Variants in UNC13C observed in about 807,000 individuals in gnomAD.
UNC13C encodes the protein protein unc-13 homolog C.
A neutral mutation model predicts 245.4 loss-of-function variants in UNC13C; 174 were observed. The observed-to-expected ratio is 0.71, with a 90% CI of 0.63 to 0.80. The LOEUF is 0.80. Ranked by LOEUF, UNC13C falls within the 30% of genes least tolerant of loss-of-function variation. The pLI, the probability that UNC13C is intolerant of heterozygous loss-of-function variation, is 0.00. For missense variants in UNC13C, 2,829 were observed against 2,602.9 expected (o/e 1.09, Z -1.89); for synonymous variants, 992 against 895.1 (o/e 1.11, Z -1.93).
chr15:53,887,173 G>T, the UNC13C span, among the ~76,000 whole-genome samples: 1 of 152,096 alleles, frequency 6.6e-6, no homozygotes, highest in Non-Finnish European at 1.5e-5. Flanking sequence ...AATAATGTTT[G>T]TGTGTGGAAG....
intron 2 of UNC13C, among the ~76,000 whole-genome samples, chr15:54,080,728 A>T (rs1898895934): frequency 6.6e-6 from 1 of 151,826 alleles, no homozygotes; most frequent in Non-Finnish European, 1.5e-5. Flanking sequence ...GTTAATCTAG[A>T]TATTGATATG....
At position 54,017,222 on chromosome 15, in the gene UNC13C, G is replaced by GT. The variant is rs200041758; in HGVS notation, c.2983+1344dup. Among the ~76,000 whole-genome samples, 626 of 143,900 alleles carry GT rather than the reference G, an allele frequency of 4.4e-3. 5 individuals carry two copies. The highest frequency in any genetic ancestry group is 0.018 in the African/African-American group (607 of 33,902). 94.4% of individuals were successfully genotyped at this position (143,900 alleles called of 152,430 possible). On this transcript the variant is annotated intron_variant, in intron 2 of 32. Coordinates refer to ENST00000260323, the MANE Select transcript of UNC13C (RefSeq NM_001080534.3). ...GGCTGTTGCAACATTTTGTGTTTTT[G>GT]TTTTTTTTGCAGGGATGGGTAGTTC...
chr15:54,331,483 C>G (rs892210494), intron 14 of UNC13C, among the ~76,000 whole-genome samples: 4 of 152,068 alleles, frequency 2.6e-5, no homozygotes, highest in Non-Finnish European at 5.9e-5. Context: ...CTAAATCATA[C>G]ACAGCCTTTA....
chr15:54,454,570 G>GGA lies in UNC13C; in HGVS notation c.4933+39503_4933+39504insGA, dbSNP rs1555467159. Reference sequence around the variant, plus strand: ...TCCAGCCCAGGCAACAATAGTGGGGGAAAAAAAAAAAACAACAATAACTCC... The same window carrying GGA: ...TCCAGCCCAGGCAACAATAGTGGGGGGAAAAAAAAAAAAACAACAATAACTCC... On this transcript the variant is annotated intron_variant, in intron 19 of 32. Coordinates refer to ENST00000260323, the MANE Select transcript of UNC13C (RefSeq NM_001080534.3). Among the ~76,000 whole-genome samples, 14 of 119,158 alleles carry GGA rather than the reference G, an allele frequency of 1.2e-4. No homozygotes were observed. In the South Asian group the frequency reaches 2.5e-3, roughly 21 times the overall value. The allele number at this position is 119,158 out of a possible 152,430, so 78.2% of individuals were successfully genotyped here.
At chr15:53,932,634 A>G in the UNC13C span, among the ~76,000 whole-genome samples, 1 of 151,970 alleles carries the variant, frequency 6.6e-6, no homozygotes, top group Non-Finnish European at 1.5e-5. Context: ...TACCACTCTA[A>G]CCCTTTCTTC....
chr15:54,343,594 C>G (rs1403081893), intron 17 of UNC13C, among the ~76,000 whole-genome samples: 1 of 152,152 alleles, frequency 6.6e-6, no homozygotes, highest in Non-Finnish European at 1.5e-5. Context: ...GCATCCTGTT[C>G]TATATGCCTG....
intron 8 of UNC13C, among the ~76,000 whole-genome samples, chr15:54,261,522 G>GTTTGTTTTGTTTTGTTTTGT (rs10582681): frequency 1.3e-5 from 2 of 150,566 alleles, no homozygotes; most frequent in Admixed American, 6.6e-5. Flanking sequence ...ATTTTTGTTT[G>GTTTGTTTTGTTTTGTTTTGT]TTTGTTTTGT....
At chr15:54,366,278 C>T (rs746307702) in intron 17 of UNC13C, among the ~76,000 whole-genome samples, 11 of 152,122 alleles carry the variant, frequency 7.2e-5, no homozygotes, top group Non-Finnish European at 1.5e-4. Flanking sequence ...CATAACGTGG[C>T]AAAATGTAAA....
At chr15:54,275,556 A>C (rs1316069849) in intron 10 of UNC13C, among the ~76,000 whole-genome samples, 2 of 152,070 alleles carry the variant, frequency 1.3e-5, no homozygotes, top group African/African-American at 4.8e-5. Flanking sequence ...TTATGTATAT[A>C]TCTTTAAGTT....
Position 54,627,978 on chromosome 15 carries a change from C to T in UNC13C, c.*865C>T, listed in dbSNP as rs557524268. 6.6e-6 allele frequency: 1 copy of T among 152,388 alleles called. No homozygotes were observed. Among genetic ancestry groups the T allele is most frequent in the African/African-American group, 2.4e-5 (1 of 41,400 alleles). The allele number at this position is 152,388 out of a possible 1,614,324, so 9.4% of individuals were successfully genotyped here. A position where few individuals can be genotyped will look rare whatever the true frequency, so the allele number is the denominator to read the frequency against. The stretch of plus-strand genomic sequence containing the variant: ...GACAGTTATGACTCTATAATCAGTT[C>T]AATGCTTTATTTTTAAAAATATTCA... On this transcript the variant is annotated 3_prime_UTR_variant, in exon 33 of 33. Coordinates refer to ENST00000260323, the MANE Select transcript of UNC13C (RefSeq NM_001080534.3).
chr15:54,294,887 T>TA (rs2037389004), intron 11 of UNC13C, among the ~76,000 whole-genome samples: 1 of 152,158 alleles, frequency 6.6e-6, no homozygotes, highest in Admixed American at 6.6e-5. Flanking sequence ...CTTTTGACTT[T>TA]AAAAAAATCT....
intron 25 of UNC13C, 21 bp from the exon 26 acceptor site, chr15:54,532,896 A>C (rs772579556): frequency 4.9e-6 from 7 of 1,438,640 alleles, no homozygotes; most frequent in Non-Finnish European, 6.6e-6. Context: ...ATATTTTAGA[A>C]TTTATATTCT....
At chr15:53,977,633 T>C (rs1893753007), upstream of UNC13C, among the ~76,000 whole-genome samples, 2 of 152,194 alleles carry the variant, frequency 1.3e-5, no homozygotes, top group Admixed American at 6.5e-5. Flanking sequence ...CTCAAGCTGC[T>C]TTAAGGCTGT....
chr15:53,852,614 T>C, the UNC13C span, among the ~76,000 whole-genome samples: 1 of 152,134 alleles, frequency 6.6e-6, no homozygotes, highest in Non-Finnish European at 1.5e-5. Context: ...CTCTTCCAGA[T>C]CACTCTCACC....
At chr15:54,601,000 C>CA (rs201622779) in intron 30 of UNC13C, among the ~76,000 whole-genome samples, 3,071 of 147,752 alleles carry the variant, frequency 0.021, 58 homozygotes, top group Admixed American at 0.033. Flanking sequence ...AAAAAAATTG[C>CA]AAAAAAAAAA....
At chr15:54,315,921 C>G (rs1031997257) in intron 13 of UNC13C, among the ~76,000 whole-genome samples, 2 of 151,760 alleles carry the variant, frequency 1.3e-5, no homozygotes, top group African/African-American at 4.8e-5. Context: ...TCCTCATCAT[C>G]TACACACAAC....
intron 32 of UNC13C, among the ~76,000 whole-genome samples, chr15:54,625,847 T>C (rs932661406): frequency 3.5e-4 from 53 of 152,180 alleles, no homozygotes; most frequent in African/African-American, 1.3e-3. Context: ...TTGTTAGATA[T>C]AACACAGTGA....
At chr15:54,485,051 C>T (rs915014991) in intron 19 of UNC13C, among the ~76,000 whole-genome samples, 1 of 151,550 alleles carries the variant, frequency 6.6e-6, no homozygotes, top group African/African-American at 2.4e-5. Flanking sequence ...TTTACTGACA[C>T]AATCAGGGCC....
At chr15:54,272,418 T>C (rs1360238405) in intron 10 of UNC13C, among the ~76,000 whole-genome samples, 2 of 152,206 alleles carry the variant, frequency 1.3e-5, no homozygotes, top group Non-Finnish European at 2.9e-5. Flanking sequence ...AGCCTGAACA[T>C]AATCATGCAT....
Sources: allele counts gnomAD v4.1 joint callset (sites outside exome capture counted in the v4.1 genomes callset), GRCh38; gene constraint gnomAD v4.1.1; transcripts MANE v1.5; gene names NCBI Gene and HGNC (gene_info 2026-07-23, HGNC 2026-07-21).